The following GABRB1 variants were observed in gnomAD, a reference collection of about 807,000 sequenced individuals.
GABRB1 encodes gamma-aminobutyric acid type A receptor subunit beta1.
In GABRB1, 17 loss-of-function variants were observed where a neutral mutation model predicts 51.6. The observed-to-expected ratio is 0.33, with a 90% CI of 0.23 to 0.49. The LOEUF is 0.49. Ranked by LOEUF, GABRB1 falls within the 20% of genes least tolerant of loss-of-function variation. GABRB1 has a pLI of 0.99. For synonymous variants in GABRB1, 247 were observed against 218.9 expected (o/e 1.13, Z -1.14); for missense variants, 410 against 600.6 (o/e 0.68, Z 3.32).
At chr4:47,279,454 A>C (rs1235824782) in intron 4 of GABRB1, among the ~76,000 whole-genome samples, 2 of 152,178 alleles carry the variant, frequency 1.3e-5, no homozygotes, top group African/African-American at 4.8e-5. Flanking sequence ...TGTTGTACTG[A>C]GTTACAAGGT....
At chr4:47,119,043 G>T (rs573149565) in intron 3 of GABRB1, among the ~76,000 whole-genome samples, 50 of 152,198 alleles carry the variant, frequency 3.3e-4, no homozygotes, top group African/African-American at 1.1e-3. Context: ...ACCAGATTTT[G>T]AAACTTATTT....
At chr4:47,194,126 T>A (rs1256122930) in intron 4 of GABRB1, among the ~76,000 whole-genome samples, 1 of 152,228 alleles carries the variant, frequency 6.6e-6, no homozygotes, top group African/African-American at 2.4e-5. Flanking sequence ...ATTAACATAC[T>A]GCTTTTATTT....
intron 3 of GABRB1, among the ~76,000 whole-genome samples, chr4:47,089,360 G>A (rs373474591): frequency 3.9e-5 from 6 of 152,142 alleles, no homozygotes; most frequent in African/African-American, 1.2e-4. Context: ...GGAACGAAAG[G>A]CAATGTATTC....
rs6855030 is a variant in GABRB1, at chr4:47,334,151, C to A, written c.544+13942C>A. 7.4e-3 allele frequency among the ~76,000 whole-genome samples: 1,134 copies of A among 152,278 alleles called. 17 individuals carry two copies. The highest frequency in any genetic ancestry group is 0.026 in the African/African-American group (1,071 of 41,546). Reference sequence around the variant, plus strand: ...AGCTGGGGCCTGAGAGTCTGTATTTCAAACATTTCCCAGATGATACTAATG... The same window carrying A: ...AGCTGGGGCCTGAGAGTCTGTATTTAAAACATTTCCCAGATGATACTAATG... On this transcript the variant is annotated intron_variant, in intron 5 of 8. Coordinates refer to ENST00000295454, the MANE Select transcript of GABRB1 (RefSeq NM_000812.4).
chr4:47,358,387 A>ATG (rs1211579526), intron 5 of GABRB1, among the ~76,000 whole-genome samples: 2 of 151,478 alleles, frequency 1.3e-5, no homozygotes, highest in African/African-American at 2.4e-5. Context: ...GTGTGTATAT[A>ATG]TGTATATATA....
rs1727956486 is a variant in GABRB1, at chr4:47,390,664, C to A, written c.545-12654C>A. Among the ~76,000 whole-genome samples the A allele has an allele frequency of 2.6e-5, 4 of 152,172 alleles. No homozygotes were observed. In the South Asian group the frequency reaches 8.3e-4, roughly 32 times the overall value. On this transcript the variant is annotated intron_variant, in intron 5 of 8. Transcript: ENST00000295454. ...TGCTAGGAAACAACATCCTTGGTAT[C>A]CAAGTGTTCAGCTCTGAGATACTGT...
At position 47,025,897 on chromosome 4, in the gene GABRB1, C is replaced by T. The variant is rs142663805; in HGVS notation, c.-19-6017C>T. Among the ~76,000 whole-genome samples, 37 of 151,938 alleles carry T rather than the reference C, an allele frequency of 2.4e-4. 1 individual carries two copies. The highest frequency in any genetic ancestry group is 8.9e-4 in the African/African-American group (37 of 41,492). ...ACTACTTCCGTTTTTTTTGTAATGC[C>T]ATCAACTTTAAAACTCAAAGCCTTT... On this transcript the variant is annotated intron_variant, in intron 1 of 3. Coordinates refer to the GABRB1 transcript ENST00000513567.
chr4:47,328,723 C>CA (rs1194070410), intron 5 of GABRB1, among the ~76,000 whole-genome samples: 2 of 151,512 alleles, frequency 1.3e-5, no homozygotes, highest in African/African-American at 2.4e-5. Context: ...ACAATGAGAA[C>CA]ACATGGACAC....
intron 4 of GABRB1, among the ~76,000 whole-genome samples, chr4:47,266,036 T>A (rs1055425916): frequency 6.6e-6 from 1 of 152,166 alleles, no homozygotes; most frequent in African/African-American, 2.4e-5. Flanking sequence ...TCCAGAAGTG[T>A]ATTTCCAAGA....
intron 3 of GABRB1, among the ~76,000 whole-genome samples, chr4:47,094,333 C>T (rs1320296224): frequency 1.4e-5 from 2 of 147,932 alleles, no homozygotes; most frequent in Non-Finnish European, 3.0e-5. Flanking sequence ...TCAAGCGATT[C>T]TTCTGCCTCA....
chr4:47,064,348 T>A (rs2109533107), intron 3 of GABRB1, among the ~76,000 whole-genome samples: 1 of 152,240 alleles, frequency 6.6e-6, no homozygotes, highest in African/African-American at 2.4e-5. Context: ...TCAAAGAAGT[T>A]ATCAGGCCAG....
At position 47,064,641 on chromosome 4, in the gene GABRB1, CAAAAA is replaced by C. The variant is rs33963952; in HGVS notation, c.240+32175_240+32179del. On this transcript the variant is annotated intron_variant, in intron 3 of 8. Coordinates refer to ENST00000295454, the MANE Select transcript of GABRB1 (RefSeq NM_000812.4). ...AAATAAGAGCGAGGAGACTCCATCT[CAAAAA>C]AAAAAAAAAAAAAAAAAGAGAAAAG... Among the ~76,000 whole-genome samples the C allele has an allele frequency of 1.4e-4, 8 of 58,232 alleles. No homozygotes were observed. In the South Asian group the frequency reaches 2.5e-3, roughly 18 times the overall value. The allele number at this position is 58,232 out of a possible 152,430, so 38.2% of individuals were successfully genotyped here.
At chr4:47,024,051 A>G (rs1156644715) in intron 1 of GABRB1, among the ~76,000 whole-genome samples, 1 of 151,830 alleles carries the variant, frequency 6.6e-6, no homozygotes, top group East Asian at 1.9e-4. Flanking sequence ...GTGCCATTCA[A>G]CCCATTTATG....
Position 47,352,138 on chromosome 4 carries a change from A to T in GABRB1, c.544+31929A>T, listed in dbSNP as rs1016098347. On this transcript the variant is annotated intron_variant, in intron 5 of 8. Coordinates refer to ENST00000295454, the MANE Select transcript of GABRB1 (RefSeq NM_000812.4). ...GAGATGGTATCTCATCGTGGTTTTG[A>T]TTTGCATTTCTCTGATGGCCAGTGA... Among the ~76,000 whole-genome samples, 3 of 152,036 alleles carry T rather than the reference A, an allele frequency of 2.0e-5. No homozygotes were observed. The East Asian group carries it at 5.8e-4, about 29-fold the overall frequency.
At chr4:47,204,826 T>C (rs1038757960) in intron 4 of GABRB1, among the ~76,000 whole-genome samples, 1 of 152,136 alleles carries the variant, frequency 6.6e-6, no homozygotes, top group Non-Finnish European at 1.5e-5. Context: ...CCATTAAACC[T>C]TTTTCCTTTG....
intron 4 of GABRB1, among the ~76,000 whole-genome samples, chr4:47,255,873 G>T (rs1188341579): frequency 1.3e-5 from 2 of 152,254 alleles, no homozygotes; most frequent in African/African-American, 4.8e-5. Context: ...TACAGGGACT[G>T]TGGCTTGTTA....
intron 1 of GABRB1, among the ~76,000 whole-genome samples, chr4:47,011,350 G>A (rs1021444925): frequency 6.6e-6 from 1 of 152,124 alleles, no homozygotes; most frequent in Admixed American, 6.5e-5. Context: ...ACCCAGCTGT[G>A]AACTGTCTGG....
intron 5 of GABRB1, among the ~76,000 whole-genome samples, chr4:47,397,795 ACTCCTGATCCCAAGTGATCTAC>A (rs1728229251): frequency 6.7e-6 from 1 of 150,264 alleles, no homozygotes; most frequent in Non-Finnish European, 1.5e-5. Flanking sequence ...CTGGTTTCGA[ACTCCTGATCCCAAGTGATCTAC>A]CCATCTCGGC....
intron 5 of GABRB1, among the ~76,000 whole-genome samples, chr4:47,373,540 T>G (rs1727281841): frequency 6.6e-6 from 1 of 152,226 alleles, no homozygotes; most frequent in South Asian, 2.1e-4. Flanking sequence ...AGACCCAGAC[T>G]GGGGTTCAAG....
Sources: gnomAD v4.1 joint callset for allele counts (sites outside exome capture counted in the v4.1 genomes callset) on GRCh38, gnomAD v4.1.1 for gene constraint, MANE v1.5 for transcripts, NCBI Gene and HGNC (gene_info 2026-07-23, HGNC 2026-07-21) for gene names.